YIPF4: variants seen among roughly 807,000 people sequenced by gnomAD.
The protein encoded by YIPF4 is protein YIPF4.
Under a neutral mutation model 29.4 loss-of-function variants are expected in YIPF4, and 18 were observed. That is an observed-to-expected ratio of 0.61 (90% confidence interval 0.42 to 0.91). The LOEUF is 0.91. YIPF4 is among the 40% of genes least tolerant of loss of function. YIPF4 has a pLI of 0.00. For synonymous variants in YIPF4, 115 were observed against 104.7 expected (o/e 1.10, Z -0.60); for missense variants, 279 against 282.7 (o/e 0.99, Z 0.09).
rs2030946864 is a variant in YIPF4, at chr2:32,292,175, A to C, written c.234-2A>C. 6.9e-7 allele frequency: 1 copy of C among 1,449,306 alleles called. No homozygotes were observed. Among genetic ancestry groups the C allele is most frequent in the Non-Finnish European group, 9.2e-7 (1 of 1,092,680 alleles). The allele number at this position is 1,449,306 out of a possible 1,614,324, so 89.8% of individuals were successfully genotyped here. ...TTGAGAATTTTTATTTTAAAATTAT[A>C]GGGAAGAATTGGACATTGATCTAAA... On this transcript the variant is annotated splice_acceptor_variant, in intron 2 of 5. Coordinates refer to ENST00000238831, the MANE Select transcript of YIPF4 (RefSeq NM_032312.4). LOFTEE classifies it high-confidence loss of function.
At chr2:32,301,259 T>G (rs2031393454) in intron 4 of YIPF4, 123 bp from the exon 5 acceptor site, 2 of 650,730 alleles carry the variant, frequency 3.1e-6, no homozygotes, top group Non-Finnish European at 5.4e-6. Context: ...GTATAATAGT[T>G]TATGATTTCT....
chr2:32,306,060 C>A lies in YIPF4; in HGVS notation c.*434C>A. The A allele has an allele frequency of 7.5e-6, 6 of 797,994 alleles. No homozygotes were observed. The highest frequency in any genetic ancestry group is 9.1e-6 in the Non-Finnish European group (6 of 659,426). 49.4% of individuals were successfully genotyped at this position (797,994 alleles called of 1,614,324 possible). On this transcript the variant is annotated 3_prime_UTR_variant, in exon 6 of 6. Coordinates refer to ENST00000238831, the MANE Select transcript of YIPF4 (RefSeq NM_032312.4). ...CTGCAGATATATATTTATATTTATA[C>A]ATATATATTTATGAAATAATTCTTA...
At chr2:32,284,660 A>C (rs1247770231) in intron 1 of YIPF4, among the ~76,000 whole-genome samples, 1 of 152,158 alleles carries the variant, frequency 6.6e-6, no homozygotes, top group East Asian at 1.9e-4. Flanking sequence ...TTTGTTTATA[A>C]ATTACTCAGT....
At chr2:32,288,573 G>T (rs556099065) in intron 1 of YIPF4, among the ~76,000 whole-genome samples, 1 of 152,218 alleles carries the variant, frequency 6.6e-6, no homozygotes, top group South Asian at 2.1e-4. Flanking sequence ...CTTGGGGAAG[G>T]CCAGGGTGGG....
At chr2:32,294,672 G>A (rs1017733982) in intron 3 of YIPF4, among the ~76,000 whole-genome samples, 11 of 152,126 alleles carry the variant, frequency 7.2e-5, no homozygotes, top group South Asian at 2.1e-4. Context: ...GGTGGCGGCC[G>A]GGCAGAGGCT....
chr2:32,290,414 C>A, intron 1 of YIPF4, 69 bp from the exon 2 acceptor site: 2 of 1,166,866 alleles, frequency 1.7e-6, no homozygotes, highest in Non-Finnish European at 1.1e-6. Flanking sequence ...AGTTGAATAT[C>A]TGCTCACTTT....
intron 1 of YIPF4, among the ~76,000 whole-genome samples, chr2:32,285,974 G>A (rs1422690561): frequency 2.0e-5 from 3 of 152,264 alleles, no homozygotes; most frequent in Middle Eastern, 6.8e-3. Context: ...ATGATATATA[G>A]TATGTAATGG....
intron 1 of YIPF4, among the ~76,000 whole-genome samples, chr2:32,288,357 A>G (rs1245341078): frequency 6.6e-6 from 1 of 152,168 alleles, no homozygotes; most frequent in African/African-American, 2.4e-5. Flanking sequence ...ACTATAATTT[A>G]TATATCCTTT....
chr2:32,294,178 C>T (rs2031065870), intron 3 of YIPF4, among the ~76,000 whole-genome samples: 1 of 151,890 alleles, frequency 6.6e-6, no homozygotes, highest in African/African-American at 2.4e-5. Context: ...TGACCCCCAC[C>T]TCCCTCCCGG....
intron 1 of YIPF4, among the ~76,000 whole-genome samples, chr2:32,288,229 A>C (rs2030759782): frequency 6.6e-6 from 1 of 152,088 alleles, no homozygotes; most frequent in African/African-American, 2.4e-5. Context: ...TTTCTACTTT[A>C]CATGGAACAG....
chr2:32,289,884 T>C (rs1336160105), intron 1 of YIPF4, among the ~76,000 whole-genome samples: 1 of 152,182 alleles, frequency 6.6e-6, no homozygotes, highest in South Asian at 2.1e-4. Flanking sequence ...AAGTTTTGGC[T>C]GAAATAACAG....
intron 2 of YIPF4, 29 bp from the exon 3 acceptor site, chr2:32,292,148 T>C: frequency 7.3e-7 from 1 of 1,376,472 alleles, no homozygotes; most frequent in Non-Finnish European, 9.5e-7. Context: ...AATGTGTGCC[T>C]TTTGAGAATT....
Position 32,287,010 on chromosome 2 carries a change from C to T in YIPF4, c.80-3473C>T, listed in dbSNP as rs138695286. Among the ~76,000 whole-genome samples, 843 of 152,102 alleles carry T rather than the reference C, an allele frequency of 5.5e-3. 11 individuals are homozygous for T. Among genetic ancestry groups the T allele is most frequent in the African/African-American group, 0.018 (766 of 41,500 alleles). On this transcript the variant is annotated intron_variant, in intron 1 of 5. Coordinates refer to ENST00000238831, the MANE Select transcript of YIPF4 (RefSeq NM_032312.4). ...CTTTAATCCCAGCACTTTGGGAGGC[C>T]AAGGCAGGTGTATTACATGAGGCCA...
At chr2:32,304,224 A>G (rs1404417847) in intron 5 of YIPF4, among the ~76,000 whole-genome samples, 3 of 152,176 alleles carry the variant, frequency 2.0e-5, no homozygotes, top group Admixed American at 6.5e-5. Flanking sequence ...ACTAATCAGT[A>G]AACTCCAGCA....
At chr2:32,281,181 A>T (rs1370870698) in intron 1 of YIPF4, among the ~76,000 whole-genome samples, 1 of 152,098 alleles carries the variant, frequency 6.6e-6, no homozygotes, top group African/African-American at 2.4e-5. Context: ...ATCCTCACAC[A>T]ATATTATATC....
intron 3 of YIPF4, among the ~76,000 whole-genome samples, chr2:32,295,098 CAT>C (rs1439599615): frequency 6.6e-6 from 1 of 152,066 alleles, no homozygotes; most frequent in East Asian, 1.9e-4. Flanking sequence ...TTTATTGACT[CAT>C]AATTCTGTTC....
chr2:32,306,437 G>A lies in YIPF4; in HGVS notation c.*811G>A, dbSNP rs566610632. ...AAAATCTTTACTATGTACAAAAACA[G>A]TAATATTTACAGCATCAGTAAATAT... is the stretch of plus-strand genomic sequence containing the variant. On this transcript the variant is annotated 3_prime_UTR_variant, in exon 6 of 6. Coordinates refer to ENST00000238831, the MANE Select transcript of YIPF4 (RefSeq NM_032312.4). The A allele has an allele frequency of 2.0e-6, 2 of 983,864 alleles. No individual in the cohort carries two copies. The highest frequency in any genetic ancestry group is 9.4e-5 in the South Asian group (2 of 21,240). The allele number at this position is 983,864 out of a possible 1,614,324, so 60.9% of individuals were successfully genotyped here. A position where few individuals can be genotyped will look rare whatever the true frequency, so the allele number is the denominator to read the frequency against.
At position 32,290,478 on chromosome 2, in the gene YIPF4, C is replaced by T. The variant is rs777409350; in HGVS notation, c.80-5C>T. The stretch of plus-strand genomic sequence containing the variant: ...TTATATAGTTTTATCCTCTTTTCTC[C>T]TAAGATCTCAGTGGTTCAATAGCAT... On this transcript the variant is annotated splice_region_variant and splice_polypyrimidine_tract_variant and intron_variant, in intron 1 of 5. Coordinates refer to ENST00000238831, the MANE Select transcript of YIPF4 (RefSeq NM_032312.4). 4 of 1,503,372 alleles carry T rather than the reference C, an allele frequency of 2.7e-6. No homozygotes were observed. The highest frequency in any genetic ancestry group is 3.6e-6 in the Non-Finnish European group (4 of 1,125,766). The allele number at this position is 1,503,372 out of a possible 1,614,324, so 93.1% of individuals were successfully genotyped here.
chr2:32,302,960 T>C (rs2031455544), intron 5 of YIPF4, among the ~76,000 whole-genome samples: 1 of 152,016 alleles, frequency 6.6e-6, no homozygotes, highest in African/African-American at 2.4e-5. Context: ...ACCCTGGTTC[T>C]GCCACTTACT....
Sources: allele counts gnomAD v4.1 joint callset (sites outside exome capture counted in the v4.1 genomes callset), GRCh38; gene constraint gnomAD v4.1.1; transcripts MANE v1.5; gene names NCBI Gene and HGNC (gene_info 2026-07-23, HGNC 2026-07-21).